The following INTS4 variants were observed in gnomAD, a reference collection of about 807,000 sequenced individuals.
The protein encoded by INTS4 is integrator complex subunit 4.
Under a neutral mutation model 119.5 loss-of-function variants are expected in INTS4, and 70 were observed. That is an observed-to-expected ratio of 0.59 (90% CI 0.48 to 0.71). INTS4 has a LOEUF of 0.71. INTS4 is among the 30% of genes least tolerant of loss of function. The pLI is 0.00. For missense variants in INTS4, 867 were observed against 1,173.2 expected (o/e 0.74, Z 3.81); for synonymous variants, 316 against 419.6 (o/e 0.75, Z 3.02).
chr11:77,974,217 T>C (rs990730943), intron 4 of INTS4, among the ~76,000 whole-genome samples: 1 of 150,168 alleles, frequency 6.7e-6, no homozygotes, highest in Non-Finnish European at 1.5e-5. Flanking sequence ...ATCTAATTTA[T>C]TGGTATATAA....
chr11:77,969,911 T>C (rs1411712921), intron 4 of INTS4, among the ~76,000 whole-genome samples: 2 of 152,224 alleles, frequency 1.3e-5, no homozygotes. Flanking sequence ...ACTCATGTAA[T>C]AGGTGGTCTT....
chr11:77,981,555 G>T lies in INTS4; in HGVS notation c.268C>A (p.Leu90Met). 1 of 1,581,848 alleles carries T rather than the reference G, an allele frequency of 6.3e-7. No individual in the cohort carries two copies. The highest frequency in any genetic ancestry group is 8.6e-7 in the Non-Finnish European group (1 of 1,161,188). ...AAACCCAACAATGATGCAATTTTCA[G>T]TCTCACAGATGGATCATTCTCCTGG... ...YYKENDPSVR[L>M]KIASLLGLLS... The change falls in exon 3 of 23, where the codon CTG (leucine) becomes ATG (methionine). Residue 90 changes from leucine to methionine, a missense_variant. By Grantham distance (15) the Leu-to-Met change is conservative. Coordinates refer to ENST00000534064, the MANE Select transcript of INTS4 (RefSeq NM_033547.4).
chr11:77,908,727 G>C (rs1400726398), intron 15 of INTS4, among the ~76,000 whole-genome samples: 1 of 152,218 alleles, frequency 6.6e-6, no homozygotes, highest in Non-Finnish European at 1.5e-5. Context: ...CATTGAGGTG[G>C]TTTTCTGGAT....
At chr11:77,909,721 A>G (rs1399188332) in intron 15 of INTS4, among the ~76,000 whole-genome samples, 3 of 152,256 alleles carry the variant, frequency 2.0e-5, no homozygotes, top group Non-Finnish European at 2.9e-5. Flanking sequence ...ATATGAAAAC[A>G]TATCTGCCTA....
At chr11:77,975,444 A>G (rs1274958989) in intron 4 of INTS4, among the ~76,000 whole-genome samples, 1 of 152,000 alleles carries the variant, frequency 6.6e-6, no homozygotes, top group African/African-American at 2.4e-5. Flanking sequence ...CATACTTTGT[A>G]TCTTTTCCAT....
intron 14 of INTS4, among the ~76,000 whole-genome samples, chr11:77,920,806 C>T (rs1201417663): frequency 1.3e-5 from 2 of 151,790 alleles, no homozygotes; most frequent in Admixed American, 6.6e-5. Flanking sequence ...GAGCCGAGAT[C>T]GTGCCACTGC....
intron 1 of INTS4, among the ~76,000 whole-genome samples, chr11:77,992,343 A>T (rs571112875): frequency 4.4e-4 from 67 of 152,182 alleles, no homozygotes; most frequent in Non-Finnish European, 7.4e-4. Flanking sequence ...GTGAGCTAGG[A>T]TTGCGCAACT....
intron 7 of INTS4, among the ~76,000 whole-genome samples, chr11:77,958,298 C>T (rs1380766008): frequency 5.9e-5 from 9 of 151,912 alleles, no homozygotes; most frequent in Admixed American, 2.6e-4. Flanking sequence ...CCTACCTCCT[C>T]AAAGAATCAC....
intron 16 of INTS4, among the ~76,000 whole-genome samples, chr11:77,905,394 T>C (rs1199927951): frequency 6.6e-6 from 1 of 151,612 alleles, no homozygotes. Context: ...GAGGCAGAGG[T>C]TGCAGCAGTG....
intron 4 of INTS4, among the ~76,000 whole-genome samples, chr11:77,977,390 A>G (rs1426240764): frequency 6.6e-6 from 1 of 151,906 alleles, no homozygotes; most frequent in Non-Finnish European, 1.5e-5. Context: ...TTAGCAAAAA[A>G]GGAGCAAAAT....
At position 77,905,630 on chromosome 11, in the gene INTS4, ACATCTG is replaced by A. The variant is rs538513571; in HGVS notation, c.2017-2016_2017-2011del. 3.5e-3 allele frequency among the ~76,000 whole-genome samples: 539 copies of A among 152,336 alleles called. 2 individuals are homozygous for A. The highest frequency in any genetic ancestry group is 6.8e-3 in the Middle Eastern group (2 of 294). On this transcript the variant is annotated intron_variant, in intron 16 of 22. Transcript: ENST00000534064. Reference sequence around the variant, plus strand: ...TCGATAAATGAGATATCCTTTTCGTACATCTGCATTTGTGAAAGATAAAATTTCTTG... The same window carrying A: ...TCGATAAATGAGATATCCTTTTCGTACATTTGTGAAAGATAAAATTTCTTG...
rs371938830 is a variant in INTS4, at chr11:77,901,346, C to T, written c.2228+75G>A. On this transcript the variant is annotated intron_variant, in intron 18 of 22. Coordinates refer to ENST00000534064, the MANE Select transcript of INTS4 (RefSeq NM_033547.4). ...TTTCATTTCACTTATCATTAACTTT[C>T]GTGTGATGTCTGAATGCATTTGAAG... The T allele has an allele frequency of 4.3e-5, 62 of 1,432,908 alleles. 1 individual carries two copies. Among genetic ancestry groups the T allele is most frequent in the South Asian group, 2.7e-4 (23 of 85,822 alleles). 88.8% of individuals were successfully genotyped at this position (1,432,908 alleles called of 1,614,324 possible).
At chr11:77,910,066 C>A (rs2136459320) in intron 15 of INTS4, among the ~76,000 whole-genome samples, 1 of 152,216 alleles carries the variant, frequency 6.6e-6, no homozygotes, top group Admixed American at 6.5e-5. Context: ...CTAGAAATAT[C>A]ATTTGACCCA....
chr11:77,926,054 C>T (rs1022596800), intron 11 of INTS4, among the ~76,000 whole-genome samples: 1 of 152,192 alleles, frequency 6.6e-6, no homozygotes, highest in Non-Finnish European at 1.5e-5. Context: ...TTTACTCCAC[C>T]TCTCTTTAGA....
chr11:77,914,453 C>T (rs896203463), intron 15 of INTS4, among the ~76,000 whole-genome samples: 8 of 152,192 alleles, frequency 5.3e-5, no homozygotes, highest in African/African-American at 9.7e-5. Flanking sequence ...GGGCCAACAA[C>T]CTCATTCAGT....
chr11:77,950,422 G>A (rs1327903659), intron 8 of INTS4, among the ~76,000 whole-genome samples: 1 of 152,112 alleles, frequency 6.6e-6, no homozygotes, highest in Admixed American at 6.6e-5. Flanking sequence ...AGACACTGGG[G>A]AGGGGAGGGA....
intron 15 of INTS4, among the ~76,000 whole-genome samples, chr11:77,909,382 GGA>G (rs1235649916): frequency 6.6e-6 from 1 of 152,198 alleles, no homozygotes; most frequent in Non-Finnish European, 1.5e-5. Context: ...GTATAGGCTG[GGA>G]AGTCCAAAAT....
At chr11:77,880,166 T>C (rs1023950517) in intron 22 of INTS4, among the ~76,000 whole-genome samples, 11 of 152,122 alleles carry the variant, frequency 7.2e-5, no homozygotes, top group African/African-American at 2.7e-4. Flanking sequence ...AAAGTGTAAG[T>C]TGAAGATGAT....
At chr11:77,884,071 G>A (rs1951894679) in intron 21 of INTS4, 119 bp from the exon 22 acceptor site, 1 of 1,023,578 alleles carries the variant, frequency 9.8e-7, no homozygotes, top group African/African-American at 1.6e-5. Flanking sequence ...ACTTTACTAA[G>A]ATTGAGCCTT....
Sources: gnomAD v4.1 joint callset for allele counts (sites outside exome capture counted in the v4.1 genomes callset) on GRCh38, gnomAD v4.1.1 for gene constraint, MANE v1.5 for transcripts, NCBI Gene and HGNC (gene_info 2026-07-23, HGNC 2026-07-21) for gene names.